HDAC8: variants seen among roughly 807,000 people sequenced by gnomAD.
HDAC8 encodes the protein histone deacetylase-like 1.
A neutral mutation model predicts 32.2 loss-of-function variants in HDAC8; 1 was observed. The ratio of observed to expected loss-of-function variants is 0.03; its 90% CI spans 0.01 to 0.15. The LOEUF (loss-of-function observed/expected upper bound fraction) is 0.15, where lower values mean the gene tolerates loss of function less well. Among genes scored for constraint, HDAC8 ranks in the 10% least tolerant of loss-of-function variants. HDAC8 has a pLI of 1.00. For missense variants in HDAC8, 117 were observed against 300.0 expected, an observed-to-expected ratio of 0.39 and a Z score of 4.51; for synonymous variants, 108 against 113.9, an observed-to-expected ratio of 0.95 and a Z score of 0.33.
intron 7 of HDAC8, among the ~76,000 whole-genome samples, chrX:72,481,277 A>G (rs1244274389): frequency 9.0e-6 from 1 of 110,795 alleles, no homozygotes; most frequent in Non-Finnish European, 1.9e-5. Flanking sequence ...AATTGCCCCT[A>G]TGATCTAATC....
chrX:72,440,962 G>A (rs1555981479), intron 9 of HDAC8, among the ~76,000 whole-genome samples: 1 of 112,806 alleles, frequency 8.9e-6, no homozygotes, highest in Non-Finnish European at 1.9e-5. Flanking sequence ...CAAACTGCAA[G>A]GCGGCAGCGA....
chrX:72,473,825 C>T lies in HDAC8; in HGVS notation c.738-9094G>A. On this transcript the variant is annotated intron_variant, in intron 7 of 10. Transcript: ENST00000373573. Reference sequence around the variant, plus strand: ...ATCTTATGATTCCCTCATTCTAAAACCTTCAGTGGCTCCCAAAATGTTTAC... The same window carrying T: ...ATCTTATGATTCCCTCATTCTAAAATCTTCAGTGGCTCCCAAAATGTTTAC... The T allele has an allele frequency of 4.0e-6, 3 of 754,552 alleles. No homozygotes were observed. The South Asian group carries it at 2.0e-4, about 51-fold the overall frequency. 62.2% of individuals were successfully genotyped at this position (754,552 alleles called of 1,213,427 possible).
intron 9 of HDAC8, among the ~76,000 whole-genome samples, chrX:72,420,844 T>G (rs1555973315): frequency 1.8e-5 from 2 of 111,851 alleles, no homozygotes; most frequent in Non-Finnish European, 3.8e-5. Flanking sequence ...AATTGCACCT[T>G]TGGATCTAAA....
chrX:72,404,300 A>G (rs937307891), intron 9 of HDAC8, among the ~76,000 whole-genome samples: 14 of 111,400 alleles, frequency 1.3e-4, no homozygotes, highest in African/African-American at 3.6e-4. Flanking sequence ...TGGAATTTTA[A>G]CATGCTTACT....
At chrX:72,472,031 C>A (rs1318011695) in intron 7 of HDAC8, among the ~76,000 whole-genome samples, 3 of 108,851 alleles carry the variant, frequency 2.8e-5, no homozygotes, top group Non-Finnish European at 3.8e-5. Context: ...ATATATGGTG[C>A]GAGGTAAGGG....
intron 9 of HDAC8, among the ~76,000 whole-genome samples, chrX:72,442,018 A>G (rs781812552): frequency 1.8e-5 from 2 of 111,476 alleles, no homozygotes; most frequent in East Asian, 5.7e-4. Flanking sequence ...AAAGCCTCCA[A>G]GAAATATGGG....
intron 4 of HDAC8, among the ~76,000 whole-genome samples, chrX:72,566,738 C>A: frequency 8.9e-6 from 1 of 112,208 alleles, no homozygotes; most frequent in Non-Finnish European, 1.9e-5. Flanking sequence ...AAAAATCCTT[C>A]TTCTTCAATG....
chrX:72,499,311 CA>C (rs1319355213), intron 4 of HDAC8, among the ~76,000 whole-genome samples: 6 of 111,538 alleles, frequency 5.4e-5, no homozygotes, highest in Admixed American at 2.9e-4. Flanking sequence ...ACTCTCCACC[CA>C]AAAACAACAA....
intron 9 of HDAC8, among the ~76,000 whole-genome samples, chrX:72,453,349 T>G (rs1045118264): frequency 5.5e-5 from 6 of 108,622 alleles, no homozygotes; most frequent in Non-Finnish European, 1.1e-4. Context: ...CCTATTTACC[T>G]GGGAGGGTGA....
intron 9 of HDAC8, among the ~76,000 whole-genome samples, chrX:72,397,561 G>A (rs2045796106): frequency 9.0e-6 from 1 of 111,611 alleles, no homozygotes; most frequent in Non-Finnish European, 1.9e-5. Context: ...AACATGACCA[G>A]TGCCATTGAT....
At chrX:72,509,412 CTT>C (rs2049501441) in intron 4 of HDAC8, among the ~76,000 whole-genome samples, 1 of 111,700 alleles carries the variant, frequency 9.0e-6, no homozygotes. Flanking sequence ...CCCGGCCTCT[CTT>C]AGCAAATTTT....
At chrX:72,553,118 C>A (rs1320100141) in intron 4 of HDAC8, among the ~76,000 whole-genome samples, 1 of 111,189 alleles carries the variant, frequency 9.0e-6, no homozygotes, top group Non-Finnish European at 1.9e-5. Context: ...GATCTAGGCT[C>A]ACTGCAGCCT....
At chrX:72,395,082 A>G (rs1273800653) in intron 9 of HDAC8, among the ~76,000 whole-genome samples, 1 of 112,117 alleles carries the variant, frequency 8.9e-6, no homozygotes, top group African/African-American at 3.2e-5. Flanking sequence ...AAAACAAAAC[A>G]AAACAACTAT....
chrX:72,346,618 T>G (rs953312562), intron 10 of HDAC8, among the ~76,000 whole-genome samples: 5 of 112,221 alleles, frequency 4.5e-5, no homozygotes, highest in Non-Finnish European at 9.4e-5. Flanking sequence ...AGATTGGGGC[T>G]GTGGAACTGC....
intron 9 of HDAC8, among the ~76,000 whole-genome samples, chrX:72,429,773 T>C (rs1838373360): frequency 1.8e-5 from 2 of 111,694 alleles, no homozygotes; most frequent in Non-Finnish European, 3.8e-5. Flanking sequence ...CAAAAGAAGA[T>C]TGGAGTGGGC....
chrX:72,509,391 T>C (rs1361198340), intron 4 of HDAC8, among the ~76,000 whole-genome samples: 2 of 111,671 alleles, frequency 1.8e-5, no homozygotes, highest in Non-Finnish European at 3.8e-5. Flanking sequence ...TTACAGGCGT[T>C]AGTCACCCCG....
chrX:72,442,337 T>A lies in HDAC8; in HGVS notation c.1005+19667A>T, dbSNP rs782176704. ...GCCCATCAGACTAACAGCGGATCTC[T>A]CGGCAGAAACTCTACAAGCCAGAAG... On this transcript the variant is annotated intron_variant, in intron 9 of 10. Transcript: ENST00000373573. 1.5e-3 allele frequency among the ~76,000 whole-genome samples: 168 copies of A among 111,798 alleles called. 4 individuals carry two copies. The South Asian group carries it at 0.035, about 23-fold the overall frequency.
chrX:72,453,093 G>A (rs1259891124), intron 9 of HDAC8, among the ~76,000 whole-genome samples: 1 of 108,229 alleles, frequency 9.2e-6, no homozygotes, highest in East Asian at 2.9e-4. Flanking sequence ...CAATGAACTT[G>A]AAGGCAAAGC....
At chrX:72,517,574 G>A (rs2049847441) in intron 4 of HDAC8, among the ~76,000 whole-genome samples, 1 of 110,947 alleles carries the variant, frequency 9.0e-6, no homozygotes, top group South Asian at 3.8e-4. Context: ...CTTACATTTT[G>A]GCCTATGATC....
Sources: gnomAD v4.1 joint callset for allele counts (sites outside exome capture counted in the v4.1 genomes callset) on GRCh38, gnomAD v4.1.1 for gene constraint, MANE v1.5 for transcripts, NCBI Gene and HGNC (gene_info 2026-07-23, HGNC 2026-07-21) for gene names.